EFCAB6: variants seen among roughly 807,000 people sequenced by gnomAD.
The protein encoded by EFCAB6 is EF-hand calcium binding domain 6.
In EFCAB6, 156 loss-of-function variants were observed where a neutral mutation model predicts 169.8. That is an observed-to-expected ratio of 0.92 (90% CI 0.81 to 1.05). The LOEUF is 1.05. Among genes scored for constraint, EFCAB6 ranks in the 50% least tolerant of loss-of-function variants. The pLI is 0.00. For missense variants in EFCAB6, 1,800 were observed against 1,829.1 expected (o/e 0.98, Z 0.29); for synonymous variants, 698 against 676.4 (o/e 1.03, Z -0.50).
At chr22:43,561,855 G>A (rs993107655) in intron 26 of EFCAB6, among the ~76,000 whole-genome samples, 10 of 152,156 alleles carry the variant, frequency 6.6e-5, no homozygotes, top group African/African-American at 2.4e-4. Flanking sequence ...ATCTTCAGAT[G>A]CAAATGACAC....
chr22:43,561,811 A>T (rs1370272723), intron 26 of EFCAB6, among the ~76,000 whole-genome samples: 1 of 152,230 alleles, frequency 6.6e-6, no homozygotes, highest in African/African-American at 2.4e-5. Context: ...TATAACTAGA[A>T]GAAATGTTTC....
chr22:43,629,026 A>G (rs1380139132), intron 19 of EFCAB6, among the ~76,000 whole-genome samples: 1 of 152,214 alleles, frequency 6.6e-6, no homozygotes, highest in Non-Finnish European at 1.5e-5. Context: ...CATAACTGCA[A>G]CGTGGGCCCT....
At chr22:43,798,128 G>C (rs890005548) in intron 2 of EFCAB6, among the ~76,000 whole-genome samples, 3 of 152,112 alleles carry the variant, frequency 2.0e-5, no homozygotes, top group Non-Finnish European at 4.4e-5. Context: ...GCTCACACCT[G>C]TAATCCCAGC....
In EFCAB6 at chr22:43,528,972, G is replaced by C; in HGVS notation, c.4387C>G (p.Leu1463Val). 3 of 1,576,886 alleles carry C rather than the reference G, an allele frequency of 1.9e-6. No homozygotes were observed. In the South Asian group the frequency reaches 3.4e-5, roughly 18 times the overall value. Reference protein sequence around the residue: ...LLSVADFRTVLRQYSINLSEE... With the variant: ...LLSVADFRTVVRQYSINLSEE... ...GAGAGGTTGATGCTGTACTGTCTCA[G>C]GACCTGGAAGACAGAGAAAAGGGGC... The change falls in exon 32 of 32, where the codon CTG becomes GTG. Residue 1463 changes from leucine (L) to valine (V), a missense_variant. By Grantham distance (32) the Leu-to-Val change is conservative. Transcript: ENST00000262726.
intron 24 of EFCAB6, among the ~76,000 whole-genome samples, chr22:43,586,430 C>G (rs1245414313): frequency 7.3e-6 from 1 of 137,620 alleles, no homozygotes; most frequent in African/African-American, 2.8e-5. Flanking sequence ...CTCATTGCAG[C>G]CTTGAATTCC....
intron 20 of EFCAB6, among the ~76,000 whole-genome samples, chr22:43,621,482 T>C (rs1046968922): frequency 6.6e-6 from 1 of 151,968 alleles, no homozygotes; most frequent in Non-Finnish European, 1.5e-5. Context: ...TTAAGGGAAA[T>C]TAGAAAATAA....
At position 43,700,518 on chromosome 22, in the gene EFCAB6, G is replaced by A. The variant is rs555259130; in HGVS notation, c.1031+10957C>T. ...GCAGTAAGCCTGACTTTTTCTCTTG[G>A]TGTACAGTTGTATGAGTTTAACACA... On this transcript the variant is annotated intron_variant, in intron 10 of 31. Coordinates refer to ENST00000262726, the MANE Select transcript of EFCAB6 (RefSeq NM_022785.4). Among the ~76,000 whole-genome samples the A allele has an allele frequency of 2.0e-5, 3 of 152,182 alleles. No individual in the cohort carries two copies. In the South Asian group the frequency reaches 6.2e-4, roughly 32 times the overall value.
chr22:43,702,229 T>C (rs976809332), intron 10 of EFCAB6, among the ~76,000 whole-genome samples: 6 of 152,298 alleles, frequency 3.9e-5, no homozygotes, highest in Middle Eastern at 3.4e-3. Flanking sequence ...CACTACTCTT[T>C]TGAGAGAACA....
intron 11 of EFCAB6, among the ~76,000 whole-genome samples, chr22:43,684,200 C>T (rs572895798): frequency 6.6e-6 from 1 of 152,300 alleles, no homozygotes; most frequent in Non-Finnish European, 1.5e-5. Flanking sequence ...TGGGAGCCCC[C>T]CCTCCTGTGT....
chr22:43,591,533 C>A (rs1270435545), intron 23 of EFCAB6, among the ~76,000 whole-genome samples: 6 of 151,652 alleles, frequency 4.0e-5, no homozygotes, highest in Admixed American at 6.6e-5. Flanking sequence ...AATCAAGGGC[C>A]GTGCTGCCAT....
At chr22:43,669,111 C>G (rs2057380590) in intron 15 of EFCAB6, 66 bp from the exon 16 acceptor site, 1 of 1,391,536 alleles carries the variant, frequency 7.2e-7, no homozygotes, top group Non-Finnish European at 9.5e-7. Context: ...ACTGACCCTG[C>G]CAAGGGTTGG....
At chr22:43,780,636 C>T (rs1264288433) in intron 3 of EFCAB6, among the ~76,000 whole-genome samples, 5 of 151,948 alleles carry the variant, frequency 3.3e-5, no homozygotes, top group Non-Finnish European at 5.9e-5. Flanking sequence ...AACTGGGATG[C>T]ATTTATTGCT....
chr22:43,632,769 T>G (rs2055077039), intron 18 of EFCAB6, among the ~76,000 whole-genome samples: 1 of 152,230 alleles, frequency 6.6e-6, no homozygotes, highest in Non-Finnish European at 1.5e-5. Flanking sequence ...GGAACCATGC[T>G]GCAGACTGTG....
intron 26 of EFCAB6, among the ~76,000 whole-genome samples, chr22:43,560,542 G>C (rs1380075427): frequency 6.6e-6 from 1 of 152,230 alleles, no homozygotes; most frequent in African/African-American, 2.4e-5. Context: ...GGGCAGCCAT[G>C]CTCTCAGGAG....
rs574750292 is a variant in EFCAB6 at position 43,672,321 on chromosome 22, A to T, written c.1420-16T>A. ...TCTTTCTCATCTAATTGGGAAAGAG[A>T]AAGTATATAAATAAATACCACTCAT... On this transcript the variant is annotated splice_polypyrimidine_tract_variant and intron_variant, in intron 13 of 31. Coordinates refer to ENST00000262726, the MANE Select transcript of EFCAB6 (RefSeq NM_022785.4). 5.8e-5 allele frequency: 94 copies of T among 1,613,184 alleles called. No individual in the cohort carries two copies. The highest frequency in any genetic ancestry group is 7.8e-5 in the Non-Finnish European group (92 of 1,179,454).
chr22:43,676,476 C>T (rs967988415), intron 13 of EFCAB6, among the ~76,000 whole-genome samples: 3 of 151,580 alleles, frequency 2.0e-5, no homozygotes, highest in African/African-American at 7.3e-5. Context: ...ATGTGCCCAC[C>T]CACATACAAA....
At chr22:43,565,979 C>A (rs1315552318) in intron 26 of EFCAB6, among the ~76,000 whole-genome samples, 1 of 148,898 alleles carries the variant, frequency 6.7e-6, no homozygotes, top group Non-Finnish European at 1.5e-5. Context: ...TAAATGAATG[C>A]TAAAAATAAC....
Position 43,645,593 on chromosome 22 carries a change from C to G in EFCAB6, c.1984-10377G>C, listed in dbSNP as rs185732510. On this transcript the variant is annotated intron_variant, in intron 17 of 31. Coordinates refer to ENST00000262726, the MANE Select transcript of EFCAB6 (RefSeq NM_022785.4). The stretch of plus-strand genomic sequence containing the variant: ...CTATGGCTTTGTAACAATTGCATAC[C>G]CATATTTTAAGGGACAGGTGAATTT... 7.6e-3 allele frequency among the ~76,000 whole-genome samples: 1,153 copies of G among 152,108 alleles called. 7 individuals carry two copies. Among genetic ancestry groups the G allele is most frequent in the Middle Eastern group, 0.017 (5 of 294 alleles).
At chr22:43,726,398 T>C (rs914490736) in intron 8 of EFCAB6, among the ~76,000 whole-genome samples, 6 of 150,726 alleles carry the variant, frequency 4.0e-5, no homozygotes, top group African/African-American at 1.5e-4. Context: ...TCCCAGCAGA[T>C]AACATTTAAA....
Sources: gnomAD v4.1 joint callset for allele counts (sites outside exome capture counted in the v4.1 genomes callset) on GRCh38, gnomAD v4.1.1 for gene constraint, MANE v1.5 for transcripts, NCBI Gene and HGNC (gene_info 2026-07-23, HGNC 2026-07-21) for gene names.